TP53BP2: variants seen among roughly 807,000 people sequenced by gnomAD.
The protein encoded by TP53BP2 is apoptosis-stimulating of p53 protein 2.
In TP53BP2, 62 loss-of-function variants were observed where a neutral mutation model predicts 126.2. The observed-to-expected ratio is 0.49, with a 90% CI of 0.40 to 0.61. The LOEUF is 0.61. Ranked by LOEUF, TP53BP2 falls within the 20% of genes least tolerant of loss-of-function variation. The pLI is 0.00. For missense variants in TP53BP2, 1,215 were observed against 1,402.8 expected (o/e 0.87, Z 2.14); for synonymous variants, 485 against 502.9 (o/e 0.96, Z 0.48).
chr1:223,821,502 C>T (rs776597463), intron 1 of TP53BP2, 135 bp from the exon 2 acceptor site: 2 of 1,232,094 alleles, frequency 1.6e-6, no homozygotes, highest in Admixed American at 1.7e-5. Context: ...TGTCACCCGG[C>T]CAAAGGTGAG....
At chr1:223,786,335 T>A (rs1374507798) in intron 16 of TP53BP2, among the ~76,000 whole-genome samples, 1 of 152,016 alleles carries the variant, frequency 6.6e-6, no homozygotes, top group Non-Finnish European at 1.5e-5. Flanking sequence ...TCAGGGACAG[T>A]GGTTATGTTC....
rs1384132920 is a variant in TP53BP2 at position 223,845,737 on chromosome 1, G to A, written c.-57C>T. The A allele has an allele frequency of 2.5e-5, 36 of 1,466,446 alleles. No homozygotes were observed. The highest frequency in any genetic ancestry group is 2.3e-5 in the Admixed American group (1 of 44,066). 90.8% of individuals were successfully genotyped at this position (1,466,446 alleles called of 1,614,324 possible). A position where few individuals can be genotyped will look rare whatever the true frequency, so the allele number is the denominator to read the frequency against. On this transcript the variant is annotated 5_prime_UTR_variant, in exon 1 of 18. Coordinates refer to ENST00000343537, the MANE Select transcript of TP53BP2 (RefSeq NM_001031685.3). ...GAGCTGAGGTGCCCCGGAGGGTCGC[G>A]GATGCGGGGGAGGGGAGCGGAGAGC...
intron 1 of TP53BP2, chr1:223,834,886 G>C (rs1471518386): frequency 2.0e-6 from 2 of 984,938 alleles, no homozygotes; most frequent in Non-Finnish European, 2.4e-6. Context: ...TCACACTGTA[G>C]TTGTCTGTAT....
chr1:223,815,028 A>C (rs1178050832), intron 2 of TP53BP2, among the ~76,000 whole-genome samples: 1 of 152,204 alleles, frequency 6.6e-6, no homozygotes, highest in African/African-American at 2.4e-5. Flanking sequence ...CTGTCCTAAA[A>C]AAATCTTCCA....
chr1:223,786,397 T>C (rs1016913981), intron 16 of TP53BP2, among the ~76,000 whole-genome samples: 8 of 152,126 alleles, frequency 5.3e-5, no homozygotes, highest in Non-Finnish European at 1.0e-4. Context: ...CTACTATCAT[T>C]ATTACTTAAA....
chr1:223,814,214 G>A, intron 3 of TP53BP2, 26 bp downstream of exon 3: 1 of 1,535,608 alleles, frequency 6.5e-7, no homozygotes, highest in Non-Finnish European at 9.0e-7. Flanking sequence ...TTAAATATCT[G>A]TCACGATTCA....
At chr1:223,792,735 T>C (rs1662193552) in intron 14 of TP53BP2, among the ~76,000 whole-genome samples, 1 of 152,124 alleles carries the variant, frequency 6.6e-6, no homozygotes. Flanking sequence ...GCAGTCACTA[T>C]AAAAAGGTTT....
chr1:223,822,292 G>C (rs1663339315), intron 1 of TP53BP2, among the ~76,000 whole-genome samples: 1 of 151,976 alleles, frequency 6.6e-6, no homozygotes, highest in Non-Finnish European at 1.5e-5. Context: ...CAAAGTATAA[G>C]TAGAAATGAG....
intron 2 of TP53BP2, chr1:223,820,983 G>C: frequency 1.8e-6 from 1 of 565,586 alleles, no homozygotes; most frequent in African/African-American, 1.9e-5. Flanking sequence ...GACCACAACA[G>C]CCCAGATGAC....
intron 1 of TP53BP2, among the ~76,000 whole-genome samples, chr1:223,828,481 T>C (rs983992183): frequency 6.6e-6 from 1 of 152,206 alleles, no homozygotes; most frequent in Non-Finnish European, 1.5e-5. Context: ...TTCATATACA[T>C]TGTGCCTTCC....
At chr1:223,804,605 G>C (rs546326709) in intron 5 of TP53BP2, among the ~76,000 whole-genome samples, 1 of 152,200 alleles carries the variant, frequency 6.6e-6, no homozygotes, top group African/African-American at 2.4e-5. Flanking sequence ...TTCTTATGCA[G>C]CAAGGATGCA....
intron 1 of TP53BP2, among the ~76,000 whole-genome samples, chr1:223,845,438 G>A (rs1664234161): frequency 6.6e-6 from 1 of 152,180 alleles, no homozygotes; most frequent in African/African-American, 2.4e-5. Flanking sequence ...TCGAGGTTAG[G>A]GTCTCGCCGC....
At chr1:223,818,502 C>CAAAA (rs60296469) in intron 2 of TP53BP2, among the ~76,000 whole-genome samples, 1 of 88,182 alleles carries the variant, frequency 1.1e-5, no homozygotes, top group African/African-American at 3.6e-5. Flanking sequence ...GACTCCATCT[C>CAAAA]AAAAAAAAAA....
intron 12 of TP53BP2, among the ~76,000 whole-genome samples, chr1:223,797,089 T>A (rs1662350582): frequency 6.6e-6 from 1 of 152,036 alleles, no homozygotes; most frequent in African/African-American, 2.4e-5. Context: ...ATTAAAATTA[T>A]CTAATTCCCA....
At chr1:223,797,260 T>C (rs1325179267) in intron 12 of TP53BP2, among the ~76,000 whole-genome samples, 3 of 152,170 alleles carry the variant, frequency 2.0e-5, no homozygotes, top group Non-Finnish European at 4.4e-5. Flanking sequence ...GTAAGTTTTA[T>C]TCTAGTCCTA....
chr1:223,790,444 G>C (rs1054962424), intron 15 of TP53BP2, among the ~76,000 whole-genome samples: 2 of 151,882 alleles, frequency 1.3e-5, no homozygotes, highest in Non-Finnish European at 2.9e-5. Flanking sequence ...TGTGGTCCTA[G>C]CTACTTGGGA....
At chr1:223,828,217 A>G (rs910964712) in intron 1 of TP53BP2, among the ~76,000 whole-genome samples, 1 of 152,212 alleles carries the variant, frequency 6.6e-6, no homozygotes. Flanking sequence ...CATTTTTATT[A>G]AAAATATTTC....
In TP53BP2 at chr1:223,795,896, T is replaced by C. The variant is rs1571844481; in HGVS notation, c.2643A>G (p.Pro881=). ...EYPPYPPPPY[P]SGEPEGPGED... ...CTCCGGGCCCTTCAGGCTCCCCAGA[T>C]GGGTATGGTGGGGGTGGGTATGGAG... The change falls in exon 13 of 18, where the codon CCA becomes CCG. Residue 881 remains proline (P), a synonymous_variant. Coordinates refer to ENST00000343537, the MANE Select transcript of TP53BP2 (RefSeq NM_001031685.3). The C allele has an allele frequency of 6.3e-7, 1 of 1,597,064 alleles. No individual in the cohort carries two copies.
chr1:223,845,071 T>C (rs756212659), intron 1 of TP53BP2, among the ~76,000 whole-genome samples: 2 of 152,190 alleles, frequency 1.3e-5, no homozygotes, highest in Non-Finnish European at 2.9e-5. Flanking sequence ...GAGGTCTTGC[T>C]AAAAGCTGTG....
Sources: gnomAD v4.1 joint callset for allele counts (sites outside exome capture counted in the v4.1 genomes callset) on GRCh38, gnomAD v4.1.1 for gene constraint, MANE v1.5 for transcripts, NCBI Gene and HGNC (gene_info 2026-07-23, HGNC 2026-07-21) for gene names.